The following GPC6 variants were observed in gnomAD, a reference collection of about 807,000 sequenced individuals.
GPC6 encodes glypican 6.
In GPC6, 14 loss-of-function variants were observed where a neutral mutation model predicts 55.2. That is an observed-to-expected ratio of 0.25 (90% CI 0.17 to 0.40). GPC6 has a LOEUF of 0.40. Ranked by LOEUF, GPC6 falls within the 10% of genes least tolerant of loss-of-function variation. The pLI, the probability that GPC6 is intolerant of heterozygous loss-of-function variation, is 1.00. For missense variants in GPC6, 641 were observed against 708.5 expected, an observed-to-expected ratio of 0.90 and a Z score of 1.08; for synonymous variants, 278 against 259.6, an observed-to-expected ratio of 1.07 and a Z score of -0.68.
At chr13:94,393,000 A>C (rs1880724767) in intron 7 of GPC6, among the ~76,000 whole-genome samples, 1 of 152,200 alleles carries the variant, frequency 6.6e-6, no homozygotes, top group African/African-American at 2.4e-5. Flanking sequence ...ACAGGGTTCC[A>C]ATCTCTCCAC....
intron 3 of GPC6, among the ~76,000 whole-genome samples, chr13:93,996,522 T>A (rs921614004): frequency 1.3e-5 from 2 of 152,152 alleles, no homozygotes; most frequent in African/African-American, 4.8e-5. Context: ...GGGAGAATAT[T>A]TTTCTTGGTG....
At chr13:94,140,808 G>A (rs1370477634) in intron 4 of GPC6, among the ~76,000 whole-genome samples, 1 of 152,056 alleles carries the variant, frequency 6.6e-6, no homozygotes, top group African/African-American at 2.4e-5. Context: ...TTTGGATTTT[G>A]CTTTCATAAA....
At chr13:94,013,638 C>T (rs1023479933) in intron 3 of GPC6, among the ~76,000 whole-genome samples, 3 of 152,178 alleles carry the variant, frequency 2.0e-5, no homozygotes, top group Admixed American at 1.3e-4. Flanking sequence ...GCATGAGTCA[C>T]TGTGCCTAGC....
intron 3 of GPC6, among the ~76,000 whole-genome samples, chr13:93,922,743 A>G (rs1298011544): frequency 6.6e-6 from 1 of 152,222 alleles, no homozygotes; most frequent in Non-Finnish European, 1.5e-5. Flanking sequence ...ATATTTTCCC[A>G]TGGAAAAGCA....
intron 4 of GPC6, among the ~76,000 whole-genome samples, chr13:94,137,896 T>C (rs1023964042): frequency 1.3e-5 from 2 of 152,224 alleles, no homozygotes; most frequent in African/African-American, 2.4e-5. Flanking sequence ...TAGGATAGGC[T>C]AGAAATTGCA....
intron 4 of GPC6, among the ~76,000 whole-genome samples, chr13:94,100,584 A>C (rs1486509724): frequency 6.6e-6 from 1 of 152,124 alleles, no homozygotes; most frequent in African/African-American, 2.4e-5. Context: ...TTTGGAGTTC[A>C]GTGTTTGGAT....
intron 1 of GPC6, among the ~76,000 whole-genome samples, chr13:93,301,819 C>T (rs1036839825): frequency 6.6e-6 from 1 of 152,126 alleles, no homozygotes; most frequent in Non-Finnish European, 1.5e-5. Flanking sequence ...CTTTGTCCAG[C>T]TGGGATCCAA....
chr13:93,495,814 G>T (rs1223014207), intron 1 of GPC6, among the ~76,000 whole-genome samples: 3 of 146,810 alleles, frequency 2.0e-5, no homozygotes, highest in East Asian at 2.1e-4. Flanking sequence ...CTGCTGGGGG[G>T]TGTCTCCCAG....
chr13:93,983,376 A>G (rs1358367029), intron 3 of GPC6, among the ~76,000 whole-genome samples: 1 of 152,126 alleles, frequency 6.6e-6, no homozygotes, highest in African/African-American at 2.4e-5. Flanking sequence ...GCTTTCTGGT[A>G]TGTTGGAGAA....
chr13:93,325,543 C>T (rs950864470), intron 1 of GPC6, among the ~76,000 whole-genome samples: 2 of 152,002 alleles, frequency 1.3e-5, no homozygotes, highest in African/African-American at 4.8e-5. Flanking sequence ...TTCTAAGGTG[C>T]TGCAGTTTGA....
At position 93,460,084 on chromosome 13, in the gene GPC6, CCTTT is replaced by C. The variant is rs541517084; in HGVS notation, c.161-85176_161-85173del. On this transcript the variant is annotated intron_variant, in intron 1 of 8. Transcript: ENST00000377047. ...GAGGCTGAAATAACTTCTGGTGGCA[CCTTT>C]CTGACAGTAATATCTAGCTGGCTTC... Among the ~76,000 whole-genome samples, 8 of 152,290 alleles carry C rather than the reference CCTTT, an allele frequency of 5.3e-5. No individual in the cohort carries two copies. In the East Asian group the frequency reaches 1.2e-3, roughly 22 times the overall value.
rs189583694 is a variant in GPC6, at chr13:93,722,445, T to C, written c.320-107709T>C. Among the ~76,000 whole-genome samples the C allele has an allele frequency of 4.6e-3, 706 of 151,966 alleles. 5 individuals carry two copies. Among genetic ancestry groups the C allele is most frequent in the African/African-American group, 0.015 (638 of 41,504 alleles). ...GTTTAATTTAAAGGAACGAAGTGTA[T>C]GTATTAGCCCTTAGATTAGTAAGAC... On this transcript the variant is annotated intron_variant, in intron 2 of 8. Transcript: ENST00000377047.
intron 2 of GPC6, among the ~76,000 whole-genome samples, chr13:93,595,283 T>G (rs1877674493): frequency 6.6e-6 from 1 of 152,170 alleles, no homozygotes; most frequent in African/African-American, 2.4e-5. Context: ...AATTACAATT[T>G]TTAAAAATGC....
intron 6 of GPC6, among the ~76,000 whole-genome samples, chr13:94,373,512 G>GA (rs1250372732): frequency 6.6e-6 from 1 of 152,134 alleles, no homozygotes; most frequent in Non-Finnish European, 1.5e-5. Flanking sequence ...GAAGTTTAGA[G>GA]AAAAAAGAAT....
rs561511200 is a variant in GPC6, at chr13:93,599,380, T to C, written c.319+53959T>C. 2.9e-4 allele frequency among the ~76,000 whole-genome samples: 44 copies of C among 152,174 alleles called. 1 individual carries two copies. The South Asian group carries it at 7.5e-3, about 26-fold the overall frequency. ...GGCAGCTCAAATCCAACTATTTGCTTATAGAGATCTGTTTTCTTATAAATA... is the reference window on the plus strand; with the variant it reads ...GGCAGCTCAAATCCAACTATTTGCTCATAGAGATCTGTTTTCTTATAAATA... On this transcript the variant is annotated intron_variant, in intron 2 of 8. Coordinates refer to ENST00000377047, the MANE Select transcript of GPC6 (RefSeq NM_005708.5).
At chr13:93,991,050 C>T (rs1361756491) in intron 3 of GPC6, among the ~76,000 whole-genome samples, 2 of 152,002 alleles carry the variant, frequency 1.3e-5, no homozygotes, top group African/African-American at 4.8e-5. Context: ...CTTATTACTT[C>T]ATTGATTTTT....
intron 1 of GPC6, among the ~76,000 whole-genome samples, chr13:93,404,097 G>T (rs1158123729): frequency 2.0e-5 from 3 of 152,048 alleles, no homozygotes; most frequent in Non-Finnish European, 2.9e-5. Context: ...ACTAAACTTT[G>T]TGGTGATAAA....
At chr13:93,260,921 T>C (rs1877123471) in intron 1 of GPC6, among the ~76,000 whole-genome samples, 1 of 152,092 alleles carries the variant, frequency 6.6e-6, no homozygotes, top group Admixed American at 6.5e-5. Flanking sequence ...TCAGTATTGG[T>C]TTAATACTGA....
At chr13:94,241,857 C>A (rs576677125) in intron 4 of GPC6, among the ~76,000 whole-genome samples, 2 of 152,212 alleles carry the variant, frequency 1.3e-5, no homozygotes, top group East Asian at 3.9e-4. Context: ...GATGTAATTT[C>A]CTGACCCCTA....
Sources: allele counts gnomAD v4.1 joint callset (sites outside exome capture counted in the v4.1 genomes callset), GRCh38; gene constraint gnomAD v4.1.1; transcripts MANE v1.5; gene names NCBI Gene and HGNC (gene_info 2026-07-23, HGNC 2026-07-21).